DYNC1H1: variants seen among roughly 807,000 people sequenced by gnomAD.
DYNC1H1 encodes the protein cytoplasmic dynein 1 heavy chain 1.
In DYNC1H1, 51 loss-of-function variants were observed where a neutral mutation model predicts 527.1. The observed-to-expected ratio is 0.10, with a 90% CI of 0.08 to 0.12. The LOEUF (loss-of-function observed/expected upper bound fraction) is 0.12, where lower values mean the gene tolerates loss of function less well. Ranked by LOEUF, DYNC1H1 falls within the 10% of genes least tolerant of loss-of-function variation. The pLI is 1.00. For synonymous variants in DYNC1H1, 2,189 were observed against 2,278.8 expected, an observed-to-expected ratio of 0.96 and a Z score of 1.12; for missense variants, 2,771 against 5,971.8, an observed-to-expected ratio of 0.46 and a Z score of 17.66.
At chr14:101,978,253 T>G (rs1360492394) in intron 2 of DYNC1H1, among the ~76,000 whole-genome samples, 1 of 152,152 alleles carries the variant, frequency 6.6e-6, no homozygotes, top group Non-Finnish European at 1.5e-5. Flanking sequence ...GGTTTTGAAG[T>G]TTTTGAATAA....
Position 101,983,327 on chromosome 14 carries a change from A to G in DYNC1H1, c.1233+37A>G. On this transcript the variant is annotated intron_variant, in intron 6 of 77. Transcript: ENST00000360184. This position sits in a 1 kb window ranked among gnomAD's most constrained non-coding sequence, Gnocchi z 5.3. ...TATATAAGACAACCAACCTCAAGACATTGAGATGAAAATATGTCTTAATAA... is the reference window on the plus strand; with the variant it reads ...TATATAAGACAACCAACCTCAAGACGTTGAGATGAAAATATGTCTTAATAA... 1.9e-6 allele frequency: 3 copies of G among 1,614,094 alleles called. No homozygotes were observed. Among genetic ancestry groups the G allele is most frequent in the Non-Finnish European group, 2.5e-6 (3 of 1,179,898 alleles).
rs754446530 is a variant in DYNC1H1, at chr14:102,015,921, G to A, written c.7308G>A (p.Ala2436=). 81 of 1,614,094 alleles carry A rather than the reference G, an allele frequency of 5.0e-5. No homozygotes were observed. Among genetic ancestry groups the A allele is most frequent in the Non-Finnish European group, 2.4e-5 (28 of 1,180,046 alleles). The part of the protein sequence containing the change: ...YFTSNGLVTK[A]LEHAFQLEHI... ...CGTCCAACGGCCTGGTCACCAAGGC[G>A]CTAGAGCACGCCTTCCAGCTGGAGC... The change falls in exon 36 of 78, where the codon GCG becomes GCA. Residue 2436 remains alanine, a synonymous_variant. Coordinates refer to ENST00000360184, the MANE Select transcript of DYNC1H1 (RefSeq NM_001376.5). The surrounding 1 kb of genome is among the most constrained non-coding windows in gnomAD (Gnocchi z 6.9).
chr14:101,977,390 G>A (rs2141267929), intron 2 of DYNC1H1, among the ~76,000 whole-genome samples: 1 of 152,224 alleles, frequency 6.6e-6, no homozygotes, highest in East Asian at 1.9e-4. Flanking sequence ...GTTAATGTTT[G>A]CCACTTTTGC....
chr14:101,999,899 C>T, intron 16 of DYNC1H1, 90 bp from the exon 17 acceptor site: 2 of 1,587,172 alleles, frequency 1.3e-6, no homozygotes, highest in East Asian at 2.2e-5. Flanking sequence ...GTCCAGAAGC[C>T]CTGCAGGCTC....
chr14:102,032,228 C>G, intron 51 of DYNC1H1, 44 bp from the exon 52 acceptor site: 1 of 1,611,166 alleles, frequency 6.2e-7, no homozygotes, highest in Non-Finnish European at 8.5e-7. Flanking sequence ...TTTGCTCTAT[C>G]TTCTCCCACC....
intron 23 of DYNC1H1, among the ~76,000 whole-genome samples, chr14:102,003,990 C>T (rs939170166): frequency 1.3e-5 from 2 of 151,576 alleles, no homozygotes. Flanking sequence ...GCCTGTAATC[C>T]CAGCACTTTG....
In DYNC1H1 at chr14:102,026,816, C is replaced by T. The variant is rs372318741; in HGVS notation, c.8771+109C>T. The T allele has an allele frequency of 1.3e-5, 19 of 1,479,586 alleles. No individual in the cohort carries two copies. In the African/African-American group the frequency reaches 2.4e-4, roughly 18 times the overall value. The allele number at this position is 1,479,586 out of a possible 1,614,324, so 91.7% of individuals were successfully genotyped here. On this transcript the variant is annotated intron_variant, in intron 44 of 77. Transcript: ENST00000360184. ...TGCTGTCCTACCACCTCCACCTCAGCCTTCTCCACCAAGCAGCTTCCCCCT... is the reference window on the plus strand; with the variant it reads ...TGCTGTCCTACCACCTCCACCTCAGTCTTCTCCACCAAGCAGCTTCCCCCT...
Position 101,986,157 on chromosome 14 carries a change from G to C in DYNC1H1, c.1932G>C (p.Val644=). 1.2e-6 allele frequency: 2 copies of C among 1,614,198 alleles called. No homozygotes were observed. Among genetic ancestry groups the C allele is most frequent in the Admixed American group, 1.7e-5 (1 of 60,028 alleles). Residue 644 remains valine (V), a synonymous_variant, in exon 8 of 78, where the codon GTG becomes GTC. Coordinates refer to ENST00000360184, the MANE Select transcript of DYNC1H1 (RefSeq NM_001376.5). The surrounding 1 kb of genome is among the most constrained non-coding windows in gnomAD (Gnocchi z 8.7). ...GTCACGTTCGTGACTTGCCCCCTGT[G>C]TCAGGGTCTATCATCTGGGCTAAAC... The part of the protein sequence containing the change: ...KMSHVRDLPP[V]SGSIIWAKQI...
chr14:102,019,697 G>A (rs1383627363), intron 41 of DYNC1H1, among the ~76,000 whole-genome samples, 196 bp from the exon 42 acceptor site: 2 of 152,128 alleles, frequency 1.3e-5, no homozygotes, highest in East Asian at 3.9e-4. Context: ...CGCCTCCTGG[G>A]TTCAAGCGAT....
rs962027827 is a variant in DYNC1H1, at chr14:102,016,712, C to T, written c.7615-54C>T. The T allele has an allele frequency of 1.0e-5, 16 of 1,586,088 alleles. No homozygotes were observed. The highest frequency in any genetic ancestry group is 2.3e-5 in the East Asian group (1 of 43,638). On this transcript the variant is annotated intron_variant, in intron 37 of 77. Transcript: ENST00000360184. The surrounding 1 kb of genome is among the most constrained non-coding windows in gnomAD (Gnocchi z 7.3). ...AGTTTGTGTTCAGGTAAACAAACCT[C>T]GTGAGGAGGCACCTTGGTTGCAGCC...
intron 44 of DYNC1H1, 175 bp from the exon 45 acceptor site, chr14:102,026,999 G>T: frequency 2.3e-6 from 2 of 862,876 alleles, no homozygotes; most frequent in East Asian, 4.9e-5. Flanking sequence ...ACAGGACCGT[G>T]TCTTACTGGT....
chr14:101,974,034 T>G (rs1245246710), intron 1 of DYNC1H1, among the ~76,000 whole-genome samples: 1 of 152,200 alleles, frequency 6.6e-6, no homozygotes, highest in East Asian at 1.9e-4. Context: ...AATGACTTTC[T>G]CAAGGTCACA....
Position 102,016,733 on chromosome 14 carries a change from C to T in DYNC1H1, c.7615-33C>T. ...ACCTCGTGAGGAGGCACCTTGGTTG[C>T]AGCCGGACTCACACTTCCATCTCCG... is the stretch of plus-strand genomic sequence containing the variant. On this transcript the variant is annotated intron_variant, in intron 37 of 77. Coordinates refer to ENST00000360184, the MANE Select transcript of DYNC1H1 (RefSeq NM_001376.5). The surrounding 1 kb of genome is among the most constrained non-coding windows in gnomAD (Gnocchi z 7.3). 1 of 1,607,846 alleles carries T rather than the reference C, an allele frequency of 6.2e-7. No individual in the cohort carries two copies. Among genetic ancestry groups the T allele is most frequent in the African/African-American group, 1.3e-5 (1 of 74,910 alleles).
rs1372752680 is a variant in DYNC1H1 at position 102,027,363 on chromosome 14, A to T, written c.8887-20A>T. ...AGCTCAGTGAGTAGGAATGGACCTA[A>T]CTTGCCTCTGCTTCTGTAGGTCCAT... On this transcript the variant is annotated intron_variant, in intron 45 of 77. Coordinates refer to ENST00000360184, the MANE Select transcript of DYNC1H1 (RefSeq NM_001376.5). This position sits in a 1 kb window ranked among gnomAD's most constrained non-coding sequence, Gnocchi z 7.7. 1 of 1,614,180 alleles carries T rather than the reference A, an allele frequency of 6.2e-7. No individual in the cohort carries two copies. Among genetic ancestry groups the T allele is most frequent in the South Asian group, 1.1e-5 (1 of 91,084 alleles).
At position 102,000,794 on chromosome 14, in the gene DYNC1H1, G is replaced by A. The variant is rs973453969; in HGVS notation, c.4075-160G>A. On this transcript the variant is annotated intron_variant, in intron 18 of 77. Transcript: ENST00000360184. ...TCTCCATATTGGTCAGGCTGGTCTC[G>A]AACTCCCGACCTCAAGTGATCTGCT... The A allele has an allele frequency of 9.1e-5, 62 of 684,686 alleles. No homozygotes were observed. The East Asian group carries it at 1.5e-3, about 17-fold the overall frequency. The allele number at this position is 684,686 out of a possible 1,614,324, so 42.4% of individuals were successfully genotyped here. A position where few individuals can be genotyped will look rare whatever the true frequency, so the allele number is the denominator to read the frequency against.
At chr14:102,028,237 T>A in intron 48 of DYNC1H1, 96 bp downstream of exon 48, 1 of 1,424,114 alleles carries the variant, frequency 7.0e-7, no homozygotes, top group Non-Finnish European at 9.7e-7. Flanking sequence ...TAAGGCCAGG[T>A]GCAGTGACTC....
chr14:102,037,859 A>C (rs1446559320), intron 57 of DYNC1H1: 2 of 153,758 alleles, frequency 1.3e-5, no homozygotes, highest in Non-Finnish European at 2.9e-5. Flanking sequence ...AAATGAAATA[A>C]AATGCCATTC....
In DYNC1H1 at chr14:102,020,256, C is replaced by T. The variant is rs544534420; in HGVS notation, c.8507+200C>T. On this transcript the variant is annotated intron_variant, in intron 42 of 77. Coordinates refer to ENST00000360184, the MANE Select transcript of DYNC1H1 (RefSeq NM_001376.5). This position sits in a 1 kb window ranked among gnomAD's most constrained non-coding sequence, Gnocchi z 4.3. ...GCCCCAGGGTAACAAAGTCACAGTG[C>T]GCTGAATGCACCGGCTGGCCCACCA... Among the ~76,000 whole-genome samples the T allele has an allele frequency of 2.0e-5, 3 of 152,240 alleles. No individual in the cohort carries two copies. Among genetic ancestry groups the T allele is most frequent in the African/African-American group, 7.2e-5 (3 of 41,562 alleles).
At chr14:101,974,186 G>A (rs1389761826) in intron 1 of DYNC1H1, among the ~76,000 whole-genome samples, 1 of 152,048 alleles carries the variant, frequency 6.6e-6, no homozygotes, top group Non-Finnish European at 1.5e-5. Flanking sequence ...CACAACCTCC[G>A]CCTCCTGGGT....
Sources: gnomAD v4.1 joint callset for allele counts (sites outside exome capture counted in the v4.1 genomes callset) on GRCh38, gnomAD v4.1.1 for gene constraint, Gnocchi (gnomAD v3.1) non-coding constraint, MANE v1.5 for transcripts, NCBI Gene and HGNC (gene_info 2026-07-23, HGNC 2026-07-21) for gene names.